The following MRC1 variants were observed in gnomAD, a reference collection of about 807,000 sequenced individuals.
MRC1 encodes macrophage mannose receptor 1.
A neutral mutation model predicts 102.9 loss-of-function variants in MRC1; 62 were observed. That is an observed-to-expected ratio of 0.60 (90% CI 0.49 to 0.74). MRC1 has a LOEUF of 0.74. Ranked by LOEUF, MRC1 falls within the 30% of genes least tolerant of loss-of-function variation. The probability of loss-of-function intolerance (pLI) is 0.00; values close to 1 mark genes in which losing one functional copy is unlikely to be tolerated. For synonymous variants in MRC1, 457 were observed against 298.4 expected, an observed-to-expected ratio of 1.53 and a Z score of -5.48; for missense variants, 1,237 against 862.8, an observed-to-expected ratio of 1.43 and a Z score of -5.43.
intron 4 of MRC1, among the ~76,000 whole-genome samples, chr10:17,838,584 C>T (rs1359450160): frequency 6.6e-6 from 1 of 150,380 alleles, no homozygotes; most frequent in Non-Finnish European, 1.5e-5. Flanking sequence ...GTAAAAAAAA[C>T]AGTGTAATAT....
chr10:17,903,942 C>A (rs1223490609), intron 26 of MRC1, among the ~76,000 whole-genome samples: 5 of 150,696 alleles, frequency 3.3e-5, no homozygotes, highest in Admixed American at 2.0e-4. Context: ...GGCAACAGAG[C>A]GAGACTTCAT....
intron 1 of MRC1, among the ~76,000 whole-genome samples, chr10:17,809,858 ACT>A (rs1461692093): frequency 2.1e-4 from 32 of 151,334 alleles, no homozygotes; most frequent in Non-Finnish European, 7.4e-5. Context: ...TCTGTGGTTT[ACT>A]CTTTCTGGTT....
intron 22 of MRC1, among the ~76,000 whole-genome samples, chr10:17,886,483 A>G (rs896118177): frequency 3.3e-5 from 5 of 151,864 alleles, no homozygotes; most frequent in African/African-American, 4.8e-5. Context: ...GCTCACTGCA[A>G]TCTCCACCTC....
chr10:17,851,828 G>A (rs976519168), intron 7 of MRC1, among the ~76,000 whole-genome samples: 5 of 152,184 alleles, frequency 3.3e-5, no homozygotes, highest in African/African-American at 1.2e-4. Flanking sequence ...CAGTGCTGGC[G>A]CCAGGCCAGC....
intron 1 of MRC1, among the ~76,000 whole-genome samples, chr10:17,821,039 A>G (rs1838387415): frequency 6.6e-6 from 1 of 152,140 alleles, no homozygotes; most frequent in Admixed American, 6.6e-5. Context: ...AGATTGGGAT[A>G]GGTATTGCAT....
At chr10:17,888,259 AT>A (rs1161518051) in intron 22 of MRC1, among the ~76,000 whole-genome samples, 1 of 152,184 alleles carries the variant, frequency 6.6e-6, no homozygotes, top group Non-Finnish European at 1.5e-5. Context: ...AGCCAGGATA[AT>A]GGGGGGTAAA....
At chr10:17,842,527 A>G (rs1387517541) in intron 5 of MRC1, among the ~76,000 whole-genome samples, 1 of 152,188 alleles carries the variant, frequency 6.6e-6, no homozygotes, top group Non-Finnish European at 1.5e-5. Flanking sequence ...GAATATGGGA[A>G]GACTTACTGC....
intron 22 of MRC1, among the ~76,000 whole-genome samples, chr10:17,886,954 G>C (rs1380879026): frequency 6.9e-6 from 1 of 145,282 alleles, no homozygotes; most frequent in Non-Finnish European, 1.6e-5. Context: ...GAACTTTGTC[G>C]AATAAGCAAC....
At chr10:17,898,530 A>G (rs1443695377) in intron 24 of MRC1, among the ~76,000 whole-genome samples, 5 of 152,250 alleles carry the variant, frequency 3.3e-5, no homozygotes, top group African/African-American at 7.2e-5. Context: ...TATGAAAATT[A>G]TATTCCAAAT....
At chr10:17,879,956 G>C in intron 19 of MRC1, 135 bp downstream of exon 19, 1 of 745,146 alleles carries the variant, frequency 1.3e-6, no homozygotes, top group South Asian at 1.5e-5. Flanking sequence ...TTCTAATTTT[G>C]GCAGCCTAAC....
At chr10:17,889,618 T>C (rs1833646218) in intron 22 of MRC1, among the ~76,000 whole-genome samples, 2 of 152,200 alleles carry the variant, frequency 1.3e-5, no homozygotes, top group Admixed American at 6.5e-5. Context: ...GAGTTTGCAG[T>C]ATATATTTAC....
chr10:17,881,834 GTTTTTTTTTTT>G (rs1159143035), intron 21 of MRC1, among the ~76,000 whole-genome samples: 20 of 61,862 alleles, frequency 3.2e-4, no homozygotes, highest in East Asian at 4.9e-4. Context: ...ATTTTTTAAA[GTTTTTTTTTTT>G]TTTTTTTTTT....
chr10:17,853,548 A>C (rs947039551), intron 8 of MRC1, among the ~76,000 whole-genome samples: 8 of 150,868 alleles, frequency 5.3e-5, no homozygotes, highest in Non-Finnish European at 7.4e-5. Context: ...TGATTACAAG[A>C]GATGTAAAAA....
At chr10:17,904,446 G>C (rs908060954) in intron 26 of MRC1, among the ~76,000 whole-genome samples, 1 of 152,002 alleles carries the variant, frequency 6.6e-6, no homozygotes, top group Non-Finnish European at 1.5e-5. Context: ...TCAGCTCATC[G>C]CTTGCTGGAC....
At chr10:17,826,236 T>A (rs1554838652) in intron 2 of MRC1, among the ~76,000 whole-genome samples, 2 of 152,294 alleles carry the variant, frequency 1.3e-5, no homozygotes, top group East Asian at 3.9e-4. Flanking sequence ...AGAGTCTCAC[T>A]CTGTCACCCA....
At chr10:17,879,936 T>C (rs1321177969) in intron 19 of MRC1, 115 bp downstream of exon 19, 4 of 763,648 alleles carry the variant, frequency 5.2e-6, no homozygotes, top group Non-Finnish European at 9.8e-6. Context: ...GAAGAGAGAA[T>C]AAAGGAGAAT....
At chr10:17,888,571 T>A (rs1833631859) in intron 22 of MRC1, among the ~76,000 whole-genome samples, 1 of 152,250 alleles carries the variant, frequency 6.6e-6, no homozygotes, top group Non-Finnish European at 1.5e-5. Flanking sequence ...CTAGGTATTT[T>A]GGAATTCTCC....
chr10:17,852,645 C>T (rs1340044743), intron 7 of MRC1, among the ~76,000 whole-genome samples: 1 of 152,154 alleles, frequency 6.6e-6, no homozygotes. Flanking sequence ...TAAGATAGAG[C>T]ATAGTAATAG....
In MRC1 at chr10:17,898,098, C is replaced by A; in HGVS notation, c.3315C>A (p.Ser1105Arg). 1 of 780,836 alleles carries A rather than the reference C, an allele frequency of 1.3e-6. No homozygotes were observed. The highest frequency in any genetic ancestry group is 2.4e-6 in the Non-Finnish European group (1 of 417,966). 48.4% of individuals were successfully genotyped at this position (780,836 alleles called of 1,614,324 possible). ...ATGGCTTTGTTAAATATGGCAAAAG[C>A]AGCTATTCACTCATGAGACAAAAAT... ...QTDGFVKYGK[S>R]SYSLMRQKFQ... The change falls in exon 24 of 30, where the codon AGC becomes AGA. Residue 1105 changes from serine (S) to arginine (R), a missense_variant. Physicochemically the swap from Ser to Arg is moderately radical, Grantham distance 110 (BLOSUM62 -1). Transcript: ENST00000569591.
Sources: allele counts gnomAD v4.1 joint callset (sites outside exome capture counted in the v4.1 genomes callset), GRCh38; gene constraint gnomAD v4.1.1; transcripts MANE v1.5; gene names NCBI Gene and HGNC (gene_info 2026-07-23, HGNC 2026-07-21).